The following SHC3 variants were observed in gnomAD, a reference collection of about 807,000 sequenced individuals.
SHC3 encodes the protein SHC-transforming protein 3.
A neutral mutation model predicts 60.4 loss-of-function variants in SHC3; 15 were observed. The ratio of observed to expected loss-of-function variants is 0.25; its 90% confidence interval spans 0.17 to 0.38. The LOEUF (loss-of-function observed/expected upper bound fraction) is 0.38, where lower values mean the gene tolerates loss of function less well. Among genes scored for constraint, SHC3 ranks in the 10% least tolerant of loss-of-function variants. The pLI is 1.00. For missense variants in SHC3, 677 were observed against 786.1 expected (o/e 0.86, Z 1.66); for synonymous variants, 294 against 325.9 (o/e 0.90, Z 1.05).
rs9776485 is a variant in SHC3 at position 89,147,174 on chromosome 9, A to T, written c.474+30813T>A. On this transcript the variant is annotated intron_variant, in intron 1 of 11. Coordinates refer to ENST00000375835, the MANE Select transcript of SHC3 (RefSeq NM_016848.6). ...CTGTAACTGGCAAAATAAAAAAAAA[A>T]TTAAAAAAAAAAAGCCCTTCAACCC... is the stretch of plus-strand genomic sequence containing the variant. Among the ~76,000 whole-genome samples the T allele has an allele frequency of 7.5e-4, 100 of 132,942 alleles. 2 individuals carry two copies. The highest frequency in any genetic ancestry group is 7.8e-3 in the Middle Eastern group (2 of 258). 87.2% of individuals were successfully genotyped at this position (132,942 alleles called of 152,430 possible). A position where few individuals can be genotyped will look rare whatever the true frequency, so the allele number is the denominator to read the frequency against.
intron 1 of SHC3, among the ~76,000 whole-genome samples, chr9:89,156,887 C>G (rs1826631403): frequency 6.6e-6 from 1 of 152,082 alleles, no homozygotes; most frequent in Non-Finnish European, 1.5e-5. Flanking sequence ...TCAGAAAATC[C>G]TGGAATCCAC....
At chr9:89,079,372 G>GTTTTT (rs1825411288) in intron 2 of SHC3, among the ~76,000 whole-genome samples, 1 of 152,152 alleles carries the variant, frequency 6.6e-6, no homozygotes. Flanking sequence ...TCGCTGCATT[G>GTTTTT]TATTTCTTAT....
chr9:89,038,118 C>T lies in SHC3; in HGVS notation c.1531G>A (p.Gly511Arg). 6.2e-7 allele frequency: 1 copy of T among 1,614,058 alleles called. No homozygotes were observed. Among genetic ancestry groups the T allele is most frequent in the Non-Finnish European group, 8.5e-7 (1 of 1,180,014 alleles). The change falls in exon 11 of 12, where the codon GGG becomes AGG. Residue 511 changes from glycine to arginine, a missense_variant. Coordinates refer to ENST00000375835, the MANE Select transcript of SHC3 (RefSeq NM_016848.6). Reference sequence around the variant, plus strand: ...AAGTCTCCGTCTTTCTCCAGCAGCCCCTCTGCCTCCTTCCTGCTCATCTCT... The same window carrying T: ...AAGTCTCCGTCTTTCTCCAGCAGCCTCTCTGCCTCCTTCCTGCTCATCTCT... ...QGEMSRKEAE[G>R]LLEKDGDFLV... is the part of the protein sequence containing the mutation.
intron 1 of SHC3, among the ~76,000 whole-genome samples, chr9:89,135,009 T>C (rs1390369839): frequency 6.6e-6 from 1 of 152,174 alleles, no homozygotes; most frequent in Non-Finnish European, 1.5e-5. Flanking sequence ...ATTCAGAGCA[T>C]ATTTGTTTCT....
intron 1 of SHC3, among the ~76,000 whole-genome samples, chr9:89,127,658 T>A (rs1316318378): frequency 6.6e-6 from 1 of 151,940 alleles, no homozygotes; most frequent in Non-Finnish European, 1.5e-5. Context: ...AATAATTAGG[T>A]AGGAAGTATA....
At chr9:89,136,551 A>C (rs1481178566) in intron 1 of SHC3, among the ~76,000 whole-genome samples, 1 of 151,636 alleles carries the variant, frequency 6.6e-6, no homozygotes, top group Non-Finnish European at 1.5e-5. Context: ...AAAGGGAAGG[A>C]ATGCTCAGTT....
At chr9:89,131,937 G>C (rs374629740) in intron 1 of SHC3, among the ~76,000 whole-genome samples, 4 of 152,064 alleles carry the variant, frequency 2.6e-5, no homozygotes, top group East Asian at 3.9e-4. Context: ...AGAAATAAAG[G>C]GTATTCAAAT....
chr9:89,150,720 T>C (rs991855114), intron 1 of SHC3, among the ~76,000 whole-genome samples: 4 of 152,190 alleles, frequency 2.6e-5, no homozygotes, highest in East Asian at 3.8e-4. Flanking sequence ...CTTGGGTATA[T>C]ACCTGTGAGT....
intron 1 of SHC3, among the ~76,000 whole-genome samples, chr9:89,162,764 G>A (rs1279731285): frequency 1.3e-5 from 2 of 149,710 alleles, no homozygotes; most frequent in Non-Finnish European, 1.5e-5. Flanking sequence ...AAACTAAAGA[G>A]CTTCTGCACA....
chr9:89,035,239 T>C (rs1328984600), intron 11 of SHC3, among the ~76,000 whole-genome samples: 1 of 152,160 alleles, frequency 6.6e-6, no homozygotes, highest in Non-Finnish European at 1.5e-5. Context: ...CGACCTGGCG[T>C]TGGGTCTGAT....
At chr9:89,098,745 A>G (rs1162913512) in intron 2 of SHC3, among the ~76,000 whole-genome samples, 1 of 151,938 alleles carries the variant, frequency 6.6e-6, no homozygotes, top group East Asian at 1.9e-4. Context: ...TGGGAGGCGG[A>G]GCTTGCAATG....
Position 89,013,243 on chromosome 9 carries a change from G to T in SHC3, c.*204C>A. 1 of 403,478 alleles carries T rather than the reference G, an allele frequency of 2.5e-6. No individual in the cohort carries two copies. Among genetic ancestry groups the T allele is most frequent in the Non-Finnish European group, 4.3e-6 (1 of 233,148 alleles). 25.0% of individuals were successfully genotyped at this position (403,478 alleles called of 1,614,324 possible). A position where few individuals can be genotyped will look rare whatever the true frequency, so the allele number is the denominator to read the frequency against. ...TATAGAGGGATAATTTGTACAGGATGTATAGGTATGTACACCTTTAATATG... is the reference window on the plus strand; with the variant it reads ...TATAGAGGGATAATTTGTACAGGATTTATAGGTATGTACACCTTTAATATG... On this transcript the variant is annotated 3_prime_UTR_variant, in exon 12 of 12. Coordinates refer to ENST00000375835, the MANE Select transcript of SHC3 (RefSeq NM_016848.6).
At chr9:89,020,293 G>A (rs1408444293) in intron 11 of SHC3, among the ~76,000 whole-genome samples, 1 of 151,880 alleles carries the variant, frequency 6.6e-6, no homozygotes. Context: ...GAAGGGTGGG[G>A]GTGAGAGGTG....
At chr9:89,111,862 C>G (rs1188580743) in intron 2 of SHC3, among the ~76,000 whole-genome samples, 1 of 152,138 alleles carries the variant, frequency 6.6e-6, no homozygotes, top group African/African-American at 2.4e-5. Flanking sequence ...GCTCCTTGAC[C>G]ACAGAAATGT....
intron 1 of SHC3, among the ~76,000 whole-genome samples, chr9:89,167,511 G>A (rs1019655936): frequency 5.3e-5 from 8 of 152,154 alleles, no homozygotes; most frequent in Admixed American, 2.0e-4. Context: ...TCAGCATGTG[G>A]GAAGCAGGAG....
intron 9 of SHC3, among the ~76,000 whole-genome samples, 191 bp downstream of exon 9, chr9:89,045,555 G>A (rs943446103): frequency 4.6e-5 from 7 of 152,274 alleles, no homozygotes; most frequent in South Asian, 4.1e-4. Context: ...GATTACAGGC[G>A]TGTGCCACCG....
intron 2 of SHC3, among the ~76,000 whole-genome samples, chr9:89,104,909 C>G (rs1018730809): frequency 7.9e-5 from 12 of 151,950 alleles, no homozygotes; most frequent in African/African-American, 2.4e-4. Context: ...TGGGGAAATT[C>G]AACTAAGAGT....
intron 1 of SHC3, among the ~76,000 whole-genome samples, chr9:89,166,874 G>A (rs909596093): frequency 5.3e-5 from 8 of 152,098 alleles, no homozygotes; most frequent in Non-Finnish European, 8.8e-5. Context: ...TACTAAAAAC[G>A]CAGCACCTTC....
intron 1 of SHC3, among the ~76,000 whole-genome samples, chr9:89,176,240 G>A (rs1225900266): frequency 6.6e-6 from 1 of 152,214 alleles, no homozygotes; most frequent in African/African-American, 2.4e-5. Context: ...GATGCTGCCA[G>A]TAAGTCACAA....
Sources: gnomAD v4.1 joint callset for allele counts (sites outside exome capture counted in the v4.1 genomes callset) on GRCh38, gnomAD v4.1.1 for gene constraint, MANE v1.5 for transcripts, NCBI Gene and HGNC (gene_info 2026-07-23, HGNC 2026-07-21) for gene names.